Variants in CCDC18 observed in about 807,000 individuals in gnomAD.
CCDC18 encodes coiled-coil domain-containing protein 18.
Under a neutral mutation model 196.0 loss-of-function variants are expected in CCDC18, and 157 were observed. The ratio of observed to expected loss-of-function variants is 0.80; its 90% CI spans 0.70 to 0.91. CCDC18 has a LOEUF of 0.91. Ranked by LOEUF, CCDC18 falls within the 40% of genes least tolerant of loss-of-function variation. The pLI is 0.00. For missense variants in CCDC18, 1,465 were observed against 1,611.6 expected, an observed-to-expected ratio of 0.91 and a Z score of 1.56; for synonymous variants, 482 against 529.2, an observed-to-expected ratio of 0.91 and a Z score of 1.22.
intron 23 of CCDC18, among the ~76,000 whole-genome samples, chr1:93,254,256 G>T (rs1318684313): frequency 6.6e-6 from 1 of 152,172 alleles, no homozygotes; most frequent in Non-Finnish European, 1.5e-5. Context: ...TCCTGTTGTT[G>T]TGGGGGAATA....
intron 26 of CCDC18, among the ~76,000 whole-genome samples, chr1:93,260,596 T>C (rs1423802111): frequency 6.6e-6 from 1 of 152,010 alleles, no homozygotes; most frequent in African/African-American, 2.4e-5. Flanking sequence ...GATCAATAAT[T>C]TTTAACAGTT....
intron 27 of CCDC18, among the ~76,000 whole-genome samples, chr1:93,267,524 A>C (rs1664692267): frequency 6.6e-6 from 1 of 152,204 alleles, no homozygotes; most frequent in South Asian, 2.1e-4. Flanking sequence ...AGATGACATG[A>C]TTGTATATTT....
At chr1:93,237,696 T>C (rs1394427171) in intron 19 of CCDC18, among the ~76,000 whole-genome samples, 1 of 152,150 alleles carries the variant, frequency 6.6e-6, no homozygotes, top group Non-Finnish European at 1.5e-5. Context: ...TTACTGGTGC[T>C]GATTTCTTTA....
intron 6 of CCDC18, among the ~76,000 whole-genome samples, chr1:93,194,514 T>C (rs1025755033): frequency 1.3e-5 from 2 of 152,248 alleles, no homozygotes; most frequent in African/African-American, 4.8e-5. Context: ...TCATTGGCTT[T>C]GTTACCTTGG....
intron 4 of CCDC18, among the ~76,000 whole-genome samples, chr1:93,189,953 G>A (rs183317655): frequency 3.4e-4 from 52 of 152,226 alleles, no homozygotes; most frequent in African/African-American, 1.2e-3. Context: ...GAGCTACCGC[G>A]CCTGGCCCTG....
rs578127930 is a variant in CCDC18 at position 93,226,657 on chromosome 1, C to T, written c.2292+208C>T. Among the ~76,000 whole-genome samples the T allele has an allele frequency of 1.1e-4, 17 of 151,978 alleles. 1 individual carries two copies. In the South Asian group the frequency reaches 3.5e-3, roughly 32 times the overall value. ...CAAGCAATTCTTGTGCCTCAGCCTC[C>T]TGTGTAGCTAGGATTACAGGTATGC... is the stretch of plus-strand genomic sequence containing the variant. On this transcript the variant is annotated intron_variant, in intron 17 of 28. Coordinates refer to ENST00000690025, the MANE Select transcript of CCDC18 (RefSeq NM_001378204.1).
At chr1:93,264,522 A>G in intron 26 of CCDC18, 179 bp from the exon 27 acceptor site, 1 of 468,382 alleles carries the variant, frequency 2.1e-6, no homozygotes, top group Non-Finnish European at 3.8e-6. Flanking sequence ...AAGATTATGG[A>G]TTCCTTTGTT....
intron 4 of CCDC18, among the ~76,000 whole-genome samples, chr1:93,191,529 C>T (rs1399973467): frequency 6.6e-6 from 1 of 151,930 alleles, no homozygotes; most frequent in Non-Finnish European, 1.5e-5. Context: ...GGGTTCCCAC[C>T]CTGCTATAGT....
At chr1:93,205,475 C>A in intron 7 of CCDC18, 35 bp from the exon 8 acceptor site, 1 of 1,543,774 alleles carries the variant, frequency 6.5e-7, no homozygotes, top group South Asian at 1.2e-5. Flanking sequence ...AAACTTACAA[C>A]CACATTAGTA....
chr1:93,207,060 G>A lies in CCDC18; in HGVS notation c.918-47G>A, dbSNP rs750405914. 1.3e-5 allele frequency: 13 copies of A among 991,794 alleles called. No individual in the cohort carries two copies. The East Asian group carries it at 3.1e-4, about 23-fold the overall frequency. The allele number at this position is 991,794 out of a possible 1,614,324, so 61.4% of individuals were successfully genotyped here. On this transcript the variant is annotated intron_variant, in intron 8 of 28. Transcript: ENST00000690025. ...GAGATTAAATAAATATGATTAAAAT[G>A]AATGCATATATATTTTATTTTCATT...
At chr1:93,220,577 G>T (rs1657255396) in intron 14 of CCDC18, among the ~76,000 whole-genome samples, 1 of 152,174 alleles carries the variant, frequency 6.6e-6, no homozygotes, top group African/African-American at 2.4e-5. Context: ...AGTGTAAAGG[G>T]GGAGGGGTAA....
At chr1:93,246,694 C>G (rs1015451886) in intron 22 of CCDC18, 144 bp from the exon 23 acceptor site, 8 of 488,392 alleles carry the variant, frequency 1.6e-5, no homozygotes, top group Non-Finnish European at 2.9e-5. Context: ...TGAGTTTATA[C>G]TAAAGCAAAG....
chr1:93,201,875 C>G lies in CCDC18; in HGVS notation c.699-17C>G. 2 of 1,492,136 alleles carry G rather than the reference C, an allele frequency of 1.3e-6. No individual in the cohort carries two copies. Among genetic ancestry groups the G allele is most frequent in the Non-Finnish European group, 1.8e-6 (2 of 1,095,978 alleles). The allele number at this position is 1,492,136 out of a possible 1,614,324, so 92.4% of individuals were successfully genotyped here. A position where few individuals can be genotyped will look rare whatever the true frequency, so the allele number is the denominator to read the frequency against. ...AGCATTCTTCACTTTTATTCATTATCTCTTTTTAAATTTTAGAGCTGAACG... is the reference window on the plus strand; with the variant it reads ...AGCATTCTTCACTTTTATTCATTATGTCTTTTTAAATTTTAGAGCTGAACG... On this transcript the variant is annotated splice_polypyrimidine_tract_variant and intron_variant, in intron 6 of 28. Coordinates refer to ENST00000690025, the MANE Select transcript of CCDC18 (RefSeq NM_001378204.1).
In CCDC18 at chr1:93,202,994, G is replaced by C. The variant is rs559395837; in HGVS notation, c.795+1006G>C. Among the ~76,000 whole-genome samples the C allele has an allele frequency of 3.9e-4, 60 of 152,296 alleles. 2 individuals are homozygous for C. The South Asian group carries it at 0.012, about 31-fold the overall frequency. The stretch of plus-strand genomic sequence containing the variant: ...ATCTCAAAGATTGTGATATATCTTT[G>C]AACAGTGTTAACCAGGGAAAATGAT... On this transcript the variant is annotated intron_variant, in intron 7 of 28. Transcript: ENST00000690025.
At position 93,218,804 on chromosome 1, in the gene CCDC18, G is replaced by A. The variant is rs1388021820; in HGVS notation, c.1962+935G>A. 2.6e-5 allele frequency among the ~76,000 whole-genome samples: 4 copies of A among 151,816 alleles called. No homozygotes were observed. The South Asian group carries it at 8.3e-4, about 32-fold the overall frequency. ...CTCACGCAGAGGTGTGAGCCACTGC[G>A]CCCAGCCTCCTTTGCACTTTTATGA... is the stretch of plus-strand genomic sequence containing the variant. On this transcript the variant is annotated intron_variant, in intron 14 of 28. Transcript: ENST00000690025.
chr1:93,224,280 G>A (rs1455744135), intron 16 of CCDC18, among the ~76,000 whole-genome samples: 2 of 152,054 alleles, frequency 1.3e-5, no homozygotes, highest in African/African-American at 2.4e-5. Flanking sequence ...CTGAGAGAAG[G>A]TACGGATGTC....
intron 26 of CCDC18, among the ~76,000 whole-genome samples, chr1:93,263,197 G>A (rs1664051004): frequency 1.3e-5 from 2 of 152,198 alleles, no homozygotes; most frequent in South Asian, 4.1e-4. Context: ...GAAATGGCCT[G>A]GAGTCATTTT....
At chr1:93,182,566 T>C (rs1649910114) in intron 1 of CCDC18, among the ~76,000 whole-genome samples, 1 of 152,224 alleles carries the variant, frequency 6.6e-6, no homozygotes, top group Admixed American at 6.5e-5. Context: ...CTTTAGTTTT[T>C]TATTGTATTA....
Position 93,270,431 on chromosome 1 carries a change from T to C in CCDC18, c.3970T>C (p.Ser1324Pro). The change falls in exon 28 of 29, where the codon TCT becomes CCT. Residue 1324 changes from serine (S) to proline (P), a missense_variant. Physicochemically the swap from Ser to Pro is moderately conservative, Grantham distance 74. Coordinates refer to ENST00000690025, the MANE Select transcript of CCDC18 (RefSeq NM_001378204.1). ...CAAGTTTCTGCCAGCCCCATTTACA[T>C]CTCCAACAGAAATTATGCCTGATGT... is the stretch of plus-strand genomic sequence containing the variant. ...DIKFLPAPFT[S>P]PTEIMPDVQD... 1 of 1,550,416 alleles carries C rather than the reference T, an allele frequency of 6.4e-7. No homozygotes were observed. The highest frequency in any genetic ancestry group is 8.7e-7 in the Non-Finnish European group (1 of 1,146,880).
Sources: allele counts gnomAD v4.1 joint callset (sites outside exome capture counted in the v4.1 genomes callset), GRCh38; gene constraint gnomAD v4.1.1; transcripts MANE v1.5; gene names NCBI Gene and HGNC (gene_info 2026-07-23, HGNC 2026-07-21).